Variants in KCNJ15 observed in about 807,000 individuals in gnomAD.
KCNJ15 encodes potassium inwardly rectifying channel subfamily J member 15, also known as ATP-sensitive inward rectifier potassium channel 15.
KCNJ15 carries 14 observed loss-of-function variants against 23.0 expected under a neutral mutation model. That is an observed-to-expected ratio of 0.61 (90% CI 0.40 to 0.95). The LOEUF is 0.95. KCNJ15 is among the 40% of genes least tolerant of loss of function. The pLI is 0.00. For synonymous variants in KCNJ15, 185 were observed against 183.2 expected (o/e 1.01, Z -0.08); for missense variants, 388 against 461.8 (o/e 0.84, Z 1.46).
rs2146363785 is a variant in KCNJ15 at position 38,305,603 on chromosome 21, T to A, written c.*5214T>A. 1 of 152,382 alleles carries A rather than the reference T, an allele frequency of 6.6e-6. No homozygotes were observed. Among genetic ancestry groups the A allele is most frequent in the Middle Eastern group, 3.4e-3 (1 of 294 alleles). 9.4% of individuals were successfully genotyped at this position (152,382 alleles called of 1,614,324 possible). On this transcript the variant is annotated 3_prime_UTR_variant, in exon 3 of 3. Coordinates refer to ENST00000398938, the MANE Select transcript of KCNJ15 (RefSeq NM_170736.3). ...CTGTATGTGCAGAATATGTCCTATA[T>A]GGAGTAATTTTTTATTTGTGTAGAC...
intron 1 of KCNJ15, among the ~76,000 whole-genome samples, chr21:38,289,905 C>T (rs1053141362): frequency 3.9e-5 from 6 of 152,150 alleles, no homozygotes; most frequent in African/African-American, 1.2e-4. Context: ...ATGCTTATTA[C>T]CCAAGTTCTT....
Position 38,300,102 on chromosome 21 carries a change from G to A in KCNJ15, c.841G>A (p.Val281Ile), listed in dbSNP as rs767855624. 1.5e-5 allele frequency: 24 copies of A among 1,613,980 alleles called. No individual in the cohort carries two copies. Among genetic ancestry groups the A allele is most frequent in the East Asian group, 1.1e-4 (5 of 44,886 alleles). ...AAAGGAGAAGGAGTTTGAGCTTGTG[G>A]TCCTCCTCAATGCCACTGTGGAATC... Reference protein sequence around the residue: ...NLKEKEFELVVLLNATVESTS... With the variant: ...NLKEKEFELVILLNATVESTS... The change falls in exon 3 of 3, where the codon GTC becomes ATC. Residue 281 changes from valine to isoleucine, a missense_variant. Coordinates refer to ENST00000398938, the MANE Select transcript of KCNJ15 (RefSeq NM_170736.3).
chr21:38,258,452 T>C (rs1980514621), intron 1 of KCNJ15, among the ~76,000 whole-genome samples: 1 of 152,234 alleles, frequency 6.6e-6, no homozygotes, highest in African/African-American at 2.4e-5. Context: ...TTCTAGGGTT[T>C]TACTTTTTAG....
At chr21:38,255,526 A>G (rs2123592014), upstream of KCNJ15, among the ~76,000 whole-genome samples, 1 of 152,214 alleles carries the variant, frequency 6.6e-6, no homozygotes, top group Non-Finnish European at 1.5e-5. Context: ...CAGGGCCACC[A>G]TTTATACTCC....
chr21:38,305,663 C>G lies in KCNJ15; in HGVS notation c.*5274C>G, dbSNP rs897968240. 2.0e-5 allele frequency: 3 copies of G among 152,250 alleles called. No homozygotes were observed. The highest frequency in any genetic ancestry group is 1.3e-4 in the Admixed American group (2 of 15,292). The allele number at this position is 152,250 out of a possible 1,614,324, so 9.4% of individuals were successfully genotyped here. ...ATACCTTAAATGTCTTACATGCAAC[C>G]TTTTTTTCCCCATATATTACAAAAT... On this transcript the variant is annotated 3_prime_UTR_variant, in exon 3 of 3. Transcript: ENST00000398938.
chr21:38,267,307 G>A (rs1200399140), intron 1 of KCNJ15: 1 of 152,206 alleles, frequency 6.6e-6, no homozygotes, highest in Non-Finnish European at 1.5e-5. Context: ...AGGAGATGTT[G>A]GAAACAGAGA....
chr21:38,287,047 T>C (rs1336938429), intron 1 of KCNJ15, among the ~76,000 whole-genome samples: 2 of 151,654 alleles, frequency 1.3e-5, no homozygotes, highest in South Asian at 2.1e-4. Context: ...ATAGGTGCAT[T>C]TTAATATCAT....
At chr21:38,282,264 A>AC in intron 1 of KCNJ15, among the ~76,000 whole-genome samples, 1 of 152,254 alleles carries the variant, frequency 6.6e-6, no homozygotes, top group African/African-American at 2.4e-5. Flanking sequence ...TTACTGGTGT[A>AC]CCCCACATTG....
chr21:38,232,800 T>C (rs1200589971), intron 1 of KCNJ15, among the ~76,000 whole-genome samples: 2 of 151,976 alleles, frequency 1.3e-5, no homozygotes, highest in Non-Finnish European at 2.9e-5. Flanking sequence ...GATTCCAATG[T>C]CATTGGAGAA....
intron 1 of KCNJ15, among the ~76,000 whole-genome samples, chr21:38,283,401 C>T (rs1159994183): frequency 1.3e-5 from 2 of 152,018 alleles, no homozygotes; most frequent in African/African-American, 4.8e-5. Flanking sequence ...TTGATCTTAC[C>T]TAGAGAGAGA....
intron 1 of KCNJ15, among the ~76,000 whole-genome samples, chr21:38,277,308 ATGT>A (rs1198513051): frequency 2.6e-5 from 4 of 152,120 alleles, no homozygotes; most frequent in Non-Finnish European, 5.9e-5. Context: ...CCTCTTAAAG[ATGT>A]TGTTGATGAA....
chr21:38,253,414 A>T (rs1348731979), upstream of KCNJ15, among the ~76,000 whole-genome samples: 1 of 152,150 alleles, frequency 6.6e-6, no homozygotes, highest in East Asian at 1.9e-4. Flanking sequence ...TATTCCAAGG[A>T]ATCATTTTCA....
intron 1 of KCNJ15, among the ~76,000 whole-genome samples, chr21:38,248,068 CTT>C (rs1979574045): frequency 1.3e-5 from 2 of 152,180 alleles, no homozygotes; most frequent in Non-Finnish European, 2.9e-5. Flanking sequence ...TCACTGTAAA[CTT>C]ATTGCTAGTA....
At chr21:38,232,445 T>C (rs1239280790) in intron 1 of KCNJ15, among the ~76,000 whole-genome samples, 1 of 151,936 alleles carries the variant, frequency 6.6e-6, no homozygotes, top group South Asian at 2.1e-4. Flanking sequence ...TTTATTGCAT[T>C]AATTAGTGCT....
intron 1 of KCNJ15, among the ~76,000 whole-genome samples, chr21:38,280,901 G>A (rs1983260282): frequency 6.6e-6 from 1 of 152,154 alleles, no homozygotes; most frequent in South Asian, 2.1e-4. Flanking sequence ...AGTGATGCTT[G>A]CTATAACCAT....
chr21:38,263,606 A>G (rs1981151025), intron 1 of KCNJ15, among the ~76,000 whole-genome samples: 1 of 152,160 alleles, frequency 6.6e-6, no homozygotes, highest in South Asian at 2.1e-4. Flanking sequence ...GACCACAACT[A>G]TGATTCCCTC....
intron 1 of KCNJ15, among the ~76,000 whole-genome samples, chr21:38,235,450 A>G (rs1325254286): frequency 6.6e-6 from 1 of 152,114 alleles, no homozygotes; most frequent in African/African-American, 2.4e-5. Context: ...GCTACTCAGG[A>G]GGCTGAGTCA....
intron 1 of KCNJ15, among the ~76,000 whole-genome samples, chr21:38,250,147 A>C (rs1222791126): frequency 6.6e-6 from 1 of 152,186 alleles, no homozygotes; most frequent in Non-Finnish European, 1.5e-5. Context: ...AAAGGGCACA[A>C]TTTTGCAATG....
rs901552814 is a variant in KCNJ15 at position 38,303,079 on chromosome 21, T to C, written c.*2690T>C. On this transcript the variant is annotated 3_prime_UTR_variant, in exon 3 of 3. Transcript: ENST00000398938. ...TCTTAAAAACCAATATATGTATAAG[T>C]CAACAAATCATATAATATTCAATAA... is the stretch of plus-strand genomic sequence containing the variant. 6.6e-6 allele frequency: 1 copy of C among 152,092 alleles called. No individual in the cohort carries two copies. Among genetic ancestry groups the C allele is most frequent in the African/African-American group, 2.4e-5 (1 of 41,420 alleles). The allele number at this position is 152,092 out of a possible 1,614,324, so 9.4% of individuals were successfully genotyped here. A position where few individuals can be genotyped will look rare whatever the true frequency, so the allele number is the denominator to read the frequency against.
Sources: allele counts gnomAD v4.1 joint callset (sites outside exome capture counted in the v4.1 genomes callset), GRCh38; gene constraint gnomAD v4.1.1; transcripts MANE v1.5; gene names NCBI Gene and HGNC (gene_info 2026-07-23, HGNC 2026-07-21).